AGBL4: variants seen among roughly 807,000 people sequenced by gnomAD.
The protein encoded by AGBL4 is cytosolic carboxypeptidase 6.
In AGBL4, 58 loss-of-function variants were observed where a neutral mutation model predicts 66.4. The observed-to-expected ratio is 0.87, with a 90% CI of 0.71 to 1.09. The LOEUF (loss-of-function observed/expected upper bound fraction) is 1.09, where lower values mean the gene tolerates loss of function less well. AGBL4 is among the 50% of genes least tolerant of loss of function. AGBL4 has a pLI of 0.00. For synonymous variants in AGBL4, 234 were observed against 222.9 expected, an observed-to-expected ratio of 1.05 and a Z score of -0.44; for missense variants, 579 against 631.0, an observed-to-expected ratio of 0.92 and a Z score of 0.88.
At chr1:49,150,443 T>C (rs1182587468) in intron 4 of AGBL4, among the ~76,000 whole-genome samples, 1 of 152,134 alleles carries the variant, frequency 6.6e-6, no homozygotes, top group African/African-American at 2.4e-5. Flanking sequence ...GGAAAATGCA[T>C]AGAAAAAAAG....
At chr1:49,905,922 A>G (rs1187680244) in intron 1 of AGBL4, among the ~76,000 whole-genome samples, 2 of 152,132 alleles carry the variant, frequency 1.3e-5, no homozygotes, top group Admixed American at 1.3e-4. Context: ...TTACAGCTGT[A>G]TTAAATCCCT....
chr1:49,970,456 T>A (rs996110492), intron 1 of AGBL4, among the ~76,000 whole-genome samples: 24 of 152,064 alleles, frequency 1.6e-4, no homozygotes, highest in Non-Finnish European at 3.4e-4. Context: ...AATAACCATT[T>A]TGCCAAAGAA....
At chr1:50,003,602 C>T (rs1279978543) in intron 1 of AGBL4, among the ~76,000 whole-genome samples, 1 of 152,060 alleles carries the variant, frequency 6.6e-6, no homozygotes, top group African/African-American at 2.4e-5. Context: ...GAACTGAAAT[C>T]CCCAGGGACC....
chr1:49,142,379 G>A (rs188725063), intron 4 of AGBL4, among the ~76,000 whole-genome samples: 66 of 152,224 alleles, frequency 4.3e-4, no homozygotes, highest in Admixed American at 4.3e-3. Flanking sequence ...GGCAGGATTT[G>A]GACTAATGCA....
chr1:49,650,933 C>T (rs1645991558), intron 3 of AGBL4, among the ~76,000 whole-genome samples: 1 of 152,108 alleles, frequency 6.6e-6, no homozygotes, highest in Non-Finnish European at 1.5e-5. Flanking sequence ...CAGCACTATT[C>T]ATGGTAGCTG....
At chr1:49,071,511 C>T (rs1644603511) in intron 4 of AGBL4, among the ~76,000 whole-genome samples, 2 of 151,964 alleles carry the variant, frequency 1.3e-5, no homozygotes, top group South Asian at 4.1e-4. Flanking sequence ...ACCCAGTAGT[C>T]ATTCAGGAGC....
intron 3 of AGBL4, among the ~76,000 whole-genome samples, chr1:49,430,487 G>A (rs1645761944): frequency 6.6e-6 from 1 of 152,092 alleles, no homozygotes; most frequent in Non-Finnish European, 1.5e-5. Context: ...TATGGGCCTG[G>A]TACAGAGTAA....
chr1:49,196,107 T>C (rs1226373854), intron 4 of AGBL4, among the ~76,000 whole-genome samples: 1 of 152,192 alleles, frequency 6.6e-6, no homozygotes, highest in East Asian at 1.9e-4. Context: ...TAAACCTTTT[T>C]CCTATGTAAA....
At chr1:49,460,565 A>T (rs1646489860) in intron 3 of AGBL4, among the ~76,000 whole-genome samples, 1 of 151,638 alleles carries the variant, frequency 6.6e-6, no homozygotes, top group Non-Finnish European at 1.5e-5. Context: ...TTGGCATTTT[A>T]ATTGAAGCAT....
intron 1 of AGBL4, among the ~76,000 whole-genome samples, chr1:49,948,580 T>C (rs12142627): frequency 7.9e-6 from 1 of 126,870 alleles, no homozygotes; most frequent in Non-Finnish European, 1.6e-5. Flanking sequence ...TATATATATA[T>C]ATAGAGAGAG....
At chr1:48,722,399 G>T (rs908310107) in intron 6 of AGBL4, among the ~76,000 whole-genome samples, 8 of 152,184 alleles carry the variant, frequency 5.3e-5, no homozygotes, top group African/African-American at 1.9e-4. Context: ...TTTACTGAAG[G>T]CTGGAACTGG....
intron 3 of AGBL4, among the ~76,000 whole-genome samples, chr1:49,344,098 TG>T (rs1645592872): frequency 6.6e-6 from 1 of 152,196 alleles, no homozygotes; most frequent in Non-Finnish European, 1.5e-5. Flanking sequence ...CTGGCTATGC[TG>T]GAAAGAGTCA....
chr1:49,068,305 T>A (rs111614258), intron 4 of AGBL4, among the ~76,000 whole-genome samples: 13 of 151,972 alleles, frequency 8.6e-5, no homozygotes, highest in African/African-American at 3.1e-4. Flanking sequence ...TAGGTATACA[T>A]GTGCCATGTT....
At chr1:48,653,302 GTA>G (rs1645962589) in intron 8 of AGBL4, 33 bp downstream of exon 8, 1 of 1,482,710 alleles carries the variant, frequency 6.7e-7, no homozygotes, top group Non-Finnish European at 9.2e-7. Flanking sequence ...CATCCTATAA[GTA>G]CTTGCTTCCA....
intron 11 of AGBL4, among the ~76,000 whole-genome samples, chr1:48,553,231 C>T (rs1183936076): frequency 6.6e-6 from 1 of 152,076 alleles, no homozygotes; most frequent in Non-Finnish European, 1.5e-5. Flanking sequence ...CCAGCTGGGC[C>T]CCAGCTCAGC....
chr1:49,714,325 A>C (rs1262712328), intron 2 of AGBL4, among the ~76,000 whole-genome samples: 3 of 151,938 alleles, frequency 2.0e-5, no homozygotes, highest in Admixed American at 1.3e-4. Context: ...TGTACTGATT[A>C]AGTAATTTAT....
chr1:49,577,979 C>CCCCAG (rs1356803560), intron 3 of AGBL4, among the ~76,000 whole-genome samples: 2 of 152,142 alleles, frequency 1.3e-5, no homozygotes, highest in African/African-American at 4.8e-5. Flanking sequence ...CTCACCATCA[C>CCCCAG]CCCAGTGATC....
At chr1:49,421,847 T>G (rs1354253688) in intron 3 of AGBL4, among the ~76,000 whole-genome samples, 4 of 152,164 alleles carry the variant, frequency 2.6e-5, no homozygotes, top group Admixed American at 2.6e-4. Context: ...GGTCCTATTT[T>G]AACTTCCTTC....
intron 2 of AGBL4, among the ~76,000 whole-genome samples, chr1:49,713,344 A>T (rs1175841864): frequency 6.6e-6 from 1 of 152,008 alleles, no homozygotes; most frequent in Non-Finnish European, 1.5e-5. Flanking sequence ...TTTGCTATTA[A>T]TTTCCACGGC....
Sources: gnomAD v4.1 joint callset for allele counts (sites outside exome capture counted in the v4.1 genomes callset) on GRCh38, gnomAD v4.1.1 for gene constraint, MANE v1.5 for transcripts, NCBI Gene and HGNC (gene_info 2026-07-23, HGNC 2026-07-21) for gene names.